Variants in SFXN5 observed in about 807,000 individuals in gnomAD.
SFXN5 encodes sideroflexin-5.
In SFXN5, 43 loss-of-function variants were observed where a neutral mutation model predicts 50.2. The ratio of observed to expected loss-of-function variants is 0.86; its 90% CI spans 0.67 to 1.11. The LOEUF is 1.11. Among genes scored for constraint, SFXN5 ranks in the 50% least tolerant of loss-of-function variants. SFXN5 has a pLI of 0.00. For synonymous variants in SFXN5, 203 were observed against 185.8 expected, an observed-to-expected ratio of 1.09 and a Z score of -0.75; for missense variants, 463 against 454.1, an observed-to-expected ratio of 1.02 and a Z score of -0.18.
At chr2:73,047,253 T>TATATATATATATATATATACACACACAC (rs1553522727) in intron 2 of SFXN5, among the ~76,000 whole-genome samples, 1 of 45,124 alleles carries the variant, frequency 2.2e-5, no homozygotes, top group East Asian at 6.6e-4. Context: ...AAAATATATA[T>TATATATATATATATATATACACACACAC]ATATATATAT....
intron 13 of SFXN5, among the ~76,000 whole-genome samples, chr2:72,948,773 A>G (rs900442935): frequency 4.6e-5 from 7 of 152,138 alleles, no homozygotes; most frequent in African/African-American, 1.7e-4. Flanking sequence ...TGGCTGAGGG[A>G]TCAGGAGCAG....
chr2:72,985,294 G>A lies in SFXN5; in HGVS notation c.625+2964C>T, dbSNP rs191444098. The stretch of plus-strand genomic sequence containing the variant: ...CTGGCCTAGCCTACCTCGGAGACCT[G>A]CAGTGAACCCCGGGCAGGACCTAGG... On this transcript the variant is annotated intron_variant, in intron 10 of 13. Transcript: ENST00000272433. 4.5e-3 allele frequency among the ~76,000 whole-genome samples: 678 copies of A among 152,220 alleles called. 10 individuals carry two copies. The highest frequency in any genetic ancestry group is 0.015 in the African/African-American group (612 of 41,528).
chr2:72,981,572 C>T (rs1392965885), intron 10 of SFXN5, among the ~76,000 whole-genome samples: 7 of 152,192 alleles, frequency 4.6e-5, no homozygotes, highest in Non-Finnish European at 1.0e-4. Flanking sequence ...CCTCCTCCAT[C>T]CAAGGCATCA....
At chr2:73,001,853 C>T (rs1673961065) in intron 6 of SFXN5, among the ~76,000 whole-genome samples, 1 of 152,154 alleles carries the variant, frequency 6.6e-6, no homozygotes. Flanking sequence ...ACATTATCTT[C>T]AAGCATGAAA....
intron 10 of SFXN5, among the ~76,000 whole-genome samples, chr2:72,986,216 C>G (rs1042850657): frequency 5.9e-5 from 9 of 152,242 alleles, no homozygotes; most frequent in Non-Finnish European, 1.2e-4. Flanking sequence ...ATTATCTGGG[C>G]TGGCTGAGGC....
chr2:73,030,127 A>C (rs1435959882), intron 3 of SFXN5, among the ~76,000 whole-genome samples: 4 of 152,012 alleles, frequency 2.6e-5, no homozygotes, highest in African/African-American at 9.7e-5. Context: ...AACAAAAAAA[A>C]ACAAAAACAA....
chr2:72,990,447 C>T (rs1672451614), intron 9 of SFXN5, among the ~76,000 whole-genome samples: 1 of 152,118 alleles, frequency 6.6e-6, no homozygotes, highest in Admixed American at 6.5e-5. Context: ...CCCTCACCCC[C>T]AAAAAAGTGC....
intron 13 of SFXN5, among the ~76,000 whole-genome samples, chr2:72,947,110 T>C (rs1431629064): frequency 6.6e-6 from 1 of 152,190 alleles, no homozygotes; most frequent in Non-Finnish European, 1.5e-5. Context: ...GCCACCTCTG[T>C]GGCCCCCATA....
intron 6 of SFXN5, among the ~76,000 whole-genome samples, chr2:73,010,735 A>C (rs936343934): frequency 1.3e-5 from 2 of 152,244 alleles, no homozygotes; most frequent in Non-Finnish European, 2.9e-5. Flanking sequence ...ACAAAAGAAC[A>C]CATTTTTTAA....
At chr2:73,022,615 G>A (rs776761654) in intron 4 of SFXN5, 39 bp from the exon 5 acceptor site, 11 of 803,382 alleles carry the variant, frequency 1.4e-5, no homozygotes, top group South Asian at 1.0e-4. Context: ...TGGGGACGGG[G>A]GTGTAGGGAG....
intron 13 of SFXN5, among the ~76,000 whole-genome samples, chr2:72,956,216 G>T (rs1403841344): frequency 1.3e-5 from 2 of 152,208 alleles, no homozygotes; most frequent in Non-Finnish European, 2.9e-5. Context: ...TGTACTCCCT[G>T]CATGGGCAAG....
intron 12 of SFXN5, among the ~76,000 whole-genome samples, chr2:72,965,402 C>T (rs751815961): frequency 1.7e-4 from 26 of 152,266 alleles, no homozygotes; most frequent in Middle Eastern, 3.4e-3. Context: ...ACGTGTGATC[C>T]GATTCTTCCA....
rs1257854860 is a variant in SFXN5, at chr2:73,071,533, G to A, written c.102+71C>T. On this transcript the variant is annotated intron_variant, in intron 1 of 13. Coordinates refer to ENST00000272433, the MANE Select transcript of SFXN5 (RefSeq NM_144579.3). ...GGTGGGAGACCCTTGGGCGGAAGGGGACTTTGGAGGGGAGTTTGCTCGTCC... is the reference window on the plus strand; with the variant it reads ...GGTGGGAGACCCTTGGGCGGAAGGGAACTTTGGAGGGGAGTTTGCTCGTCC... 4.2e-6 allele frequency: 6 copies of A among 1,439,762 alleles called. No individual in the cohort carries two copies. In the South Asian group the frequency reaches 4.8e-5, roughly 12 times the overall value. The allele number at this position is 1,439,762 out of a possible 1,614,324, so 89.2% of individuals were successfully genotyped here.
At chr2:73,018,457 T>TA (rs1321938225) in intron 6 of SFXN5, among the ~76,000 whole-genome samples, 3 of 151,734 alleles carry the variant, frequency 2.0e-5, no homozygotes, top group Non-Finnish European at 2.9e-5. Flanking sequence ...ACCCACTGAA[T>TA]AAAAAAAACC....
Position 73,046,462 on chromosome 2 carries a change from A to G in SFXN5, c.172-5531T>C, listed in dbSNP as rs115803927. On this transcript the variant is annotated intron_variant, in intron 2 of 13. Coordinates refer to ENST00000272433, the MANE Select transcript of SFXN5 (RefSeq NM_144579.3). ...AGGCTATTTTGTCCAGGAAAGCAAAAGATAGGAAACAACCTATCTGTTAGA... is the reference window on the plus strand; with the variant it reads ...AGGCTATTTTGTCCAGGAAAGCAAAGGATAGGAAACAACCTATCTGTTAGA... Among the ~76,000 whole-genome samples, 1,385 of 152,016 alleles carry G rather than the reference A, an allele frequency of 9.1e-3. 21 individuals carry two copies. Among genetic ancestry groups the G allele is most frequent in the African/African-American group, 0.03 (1,251 of 41,284 alleles).
At chr2:73,027,948 C>A (rs533266454) in intron 3 of SFXN5, among the ~76,000 whole-genome samples, 36 of 152,334 alleles carry the variant, frequency 2.4e-4, no homozygotes, top group African/African-American at 7.0e-4. Flanking sequence ...AAGCATGAGC[C>A]ACCGTGCCTG....
chr2:73,069,549 C>G (rs528638842), intron 1 of SFXN5, among the ~76,000 whole-genome samples: 164 of 152,224 alleles, frequency 1.1e-3, no homozygotes, highest in Admixed American at 2.2e-3. Context: ...TCACATGCAA[C>G]GTGCTTTATG....
chr2:72,968,165 AC>A (rs1559099432), intron 12 of SFXN5, among the ~76,000 whole-genome samples: 6 of 148,566 alleles, frequency 4.0e-5, no homozygotes, highest in African/African-American at 1.2e-4. Context: ...ACACACACAC[AC>A]ACAACTGCCA....
At chr2:73,032,941 T>A (rs1678502523) in intron 3 of SFXN5, among the ~76,000 whole-genome samples, 1 of 152,188 alleles carries the variant, frequency 6.6e-6, no homozygotes, top group Non-Finnish European at 1.5e-5. Context: ...CAGGTGAGGG[T>A]ACCCCCAATT....
Sources: gnomAD v4.1 joint callset for allele counts (sites outside exome capture counted in the v4.1 genomes callset) on GRCh38, gnomAD v4.1.1 for gene constraint, MANE v1.5 for transcripts, NCBI Gene and HGNC (gene_info 2026-07-23, HGNC 2026-07-21) for gene names.